Variants in STAG1 observed in about 807,000 individuals in gnomAD.
The protein encoded by STAG1 is cohesin subunit SA-1.
In STAG1, 26 loss-of-function variants were observed where a neutral mutation model predicts 170.9. The ratio of observed to expected loss-of-function variants is 0.15; its 90% CI spans 0.11 to 0.21. The LOEUF is 0.21. Ranked by LOEUF, STAG1 falls within the 10% of genes least tolerant of loss-of-function variation. STAG1 has a pLI of 1.00. For synonymous variants in STAG1, 514 were observed against 497.7 expected (o/e 1.03, Z -0.44); for missense variants, 964 against 1,509.5 (o/e 0.64, Z 5.99).
chr3:136,489,540 C>T (rs972460647), intron 9 of STAG1, among the ~76,000 whole-genome samples: 4 of 151,966 alleles, frequency 2.6e-5, no homozygotes, highest in African/African-American at 7.3e-5. Context: ...GAGAGCTCCA[C>T]AGGGAGAAAT....
intron 28 of STAG1, 86 bp from the exon 29 acceptor site, chr3:136,349,449 G>A (rs1056885677): frequency 1.0e-6 from 1 of 999,020 alleles, no homozygotes; most frequent in Non-Finnish European, 1.5e-6. Flanking sequence ...CTCTCTTTCT[G>A]CAGGTTCTGA....
chr3:136,542,184 T>G lies in STAG1; in HGVS notation c.406A>C (p.Ile136Leu). The change falls in exon 6 of 34, where the codon ATA (isoleucine) becomes CTA (leucine). Residue 136 changes from isoleucine to leucine, a missense_variant. By Grantham distance (5) the Ile-to-Leu change is conservative. Transcript: ENST00000383202. Reference protein sequence around the residue: ...QCSGCRGTVRIEMFRNMQNAE... With the variant: ...QCSGCRGTVRLEMFRNMQNAE... ...TTCTGCATATTTCGAAACATCTCTA[T>G]TCTCACAGTACCTGTGGAACAACAG... 4 of 1,608,066 alleles carry G rather than the reference T, an allele frequency of 2.5e-6. No homozygotes were observed. The highest frequency in any genetic ancestry group is 3.4e-6 in the Non-Finnish European group (4 of 1,178,740).
rs563579942 is a variant in STAG1, at chr3:136,337,284, G to A, written c.*970C>T. The A allele has an allele frequency of 9.8e-5, 15 of 152,710 alleles. No homozygotes were observed. The highest frequency in any genetic ancestry group is 3.4e-4 in the African/African-American group (14 of 41,568). The allele number at this position is 152,710 out of a possible 1,614,324, so 9.5% of individuals were successfully genotyped here. Reference sequence around the variant, plus strand: ...CACTTAAAATTACTTTTGAATGATTGATAAAGGATTTCTTCATGATTGATT... The same window carrying A: ...CACTTAAAATTACTTTTGAATGATTAATAAAGGATTTCTTCATGATTGATT... On this transcript the variant is annotated 3_prime_UTR_variant, in exon 34 of 34. Transcript: ENST00000383202.
intron 7 of STAG1, among the ~76,000 whole-genome samples, chr3:136,503,502 T>C (rs1272145286): frequency 6.6e-6 from 1 of 152,198 alleles, no homozygotes; most frequent in African/African-American, 2.4e-5. Flanking sequence ...CTGTTCATAT[T>C]TGTTTTCATC....
intron 21 of STAG1, among the ~76,000 whole-genome samples, chr3:136,415,797 G>C (rs1381910589): frequency 2.6e-5 from 4 of 152,136 alleles, no homozygotes; most frequent in Admixed American, 1.3e-4. Flanking sequence ...ACTCCAGCCT[G>C]GGTGACAGAG....
chr3:136,452,436 C>T (rs1376300578), intron 13 of STAG1, among the ~76,000 whole-genome samples: 1 of 151,606 alleles, frequency 6.6e-6, no homozygotes, highest in Non-Finnish European at 1.5e-5. Flanking sequence ...TGGTGGCGGG[C>T]ACCTGTAGTC....
At chr3:136,518,385 T>C in intron 7 of STAG1, 5 of 700,470 alleles carry the variant, frequency 7.1e-6, no homozygotes, top group Admixed American at 2.0e-5. Flanking sequence ...TAAATGTTCC[T>C]GCCCATTTTA....
At chr3:136,676,560 C>G (rs1176318536) in intron 1 of STAG1, among the ~76,000 whole-genome samples, 1 of 152,106 alleles carries the variant, frequency 6.6e-6, no homozygotes, top group Non-Finnish European at 1.5e-5. Flanking sequence ...ATCCTCAAAC[C>G]TCAACCTACT....
At chr3:136,359,590 T>G (rs1051406276) in intron 26 of STAG1, among the ~76,000 whole-genome samples, 1 of 152,114 alleles carries the variant, frequency 6.6e-6, no homozygotes, top group Non-Finnish European at 1.5e-5. Flanking sequence ...AGTGCAGTGG[T>G]GGGATCTCAG....
At chr3:136,433,531 G>T in intron 16 of STAG1, 25 bp downstream of exon 16, 1 of 1,547,740 alleles carries the variant, frequency 6.5e-7, no homozygotes, top group Non-Finnish European at 8.8e-7. Context: ...AACCTTTTAG[G>T]AGATTTCTCA....
chr3:136,533,916 T>C (rs1391777683), intron 6 of STAG1, among the ~76,000 whole-genome samples: 4 of 152,162 alleles, frequency 2.6e-5, no homozygotes, highest in Non-Finnish European at 5.9e-5. Context: ...AGAACTGGAA[T>C]AGCCAAAGCA....
intron 4 of STAG1, among the ~76,000 whole-genome samples, chr3:136,587,318 T>C (rs1417042126): frequency 6.6e-6 from 1 of 152,104 alleles, no homozygotes; most frequent in Non-Finnish European, 1.5e-5. Context: ...GGCAGGTGGA[T>C]CACTTGAGGT....
chr3:136,581,705 TCTAAATGTTTACTTCTA>T (rs1454481679), intron 4 of STAG1, among the ~76,000 whole-genome samples: 1 of 152,138 alleles, frequency 6.6e-6, no homozygotes, highest in Non-Finnish European at 1.5e-5. Context: ...ATCAAGATTT[TCTAAATGTTTACTTCTA>T]CTTAGGATAA....
chr3:136,450,939 G>T (rs962922906), intron 14 of STAG1, among the ~76,000 whole-genome samples: 1 of 152,124 alleles, frequency 6.6e-6, no homozygotes, highest in African/African-American at 2.4e-5. Context: ...AGTAGAGACG[G>T]ACTTTTGCTA....
At chr3:136,636,546 C>A (rs1399689550) in intron 1 of STAG1, among the ~76,000 whole-genome samples, 2 of 152,036 alleles carry the variant, frequency 1.3e-5, no homozygotes, top group Non-Finnish European at 2.9e-5. Context: ...CATGAATATA[C>A]ACTAAGTCTT....
At chr3:136,528,151 G>A (rs988859025) in intron 6 of STAG1, among the ~76,000 whole-genome samples, 1 of 152,168 alleles carries the variant, frequency 6.6e-6, no homozygotes, top group Non-Finnish European at 1.5e-5. Flanking sequence ...AGTTTCTGCT[G>A]CGTTTTGTTC....
chr3:136,588,849 C>T (rs538610556), intron 4 of STAG1, among the ~76,000 whole-genome samples: 2 of 152,246 alleles, frequency 1.3e-5, no homozygotes, highest in African/African-American at 4.8e-5. Flanking sequence ...CTGCAACCTC[C>T]GCTTCCAGCT....
intron 3 of STAG1, among the ~76,000 whole-genome samples, chr3:136,621,066 T>C (rs1358914785): frequency 2.0e-5 from 3 of 151,964 alleles, no homozygotes; most frequent in Non-Finnish European, 4.4e-5. Context: ...AGGCACGGGT[T>C]GCAGTGAGCC....
At chr3:136,718,732 C>T (rs1933019982) in intron 1 of STAG1, among the ~76,000 whole-genome samples, 1 of 152,058 alleles carries the variant, frequency 6.6e-6, no homozygotes, top group Non-Finnish European at 1.5e-5. Context: ...TGAGACCAGC[C>T]TGGCCAACAT....
Sources: gnomAD v4.1 joint callset for allele counts (sites outside exome capture counted in the v4.1 genomes callset) on GRCh38, gnomAD v4.1.1 for gene constraint, MANE v1.5 for transcripts, NCBI Gene and HGNC (gene_info 2026-07-23, HGNC 2026-07-21) for gene names.